PAX5: variants seen among roughly 807,000 people sequenced by gnomAD.
PAX5 encodes the protein paired box 5.
A neutral mutation model predicts 43.7 loss-of-function variants in PAX5; 9 were observed. The observed-to-expected ratio is 0.21, with a 90% CI of 0.12 to 0.36. The LOEUF is 0.36. Ranked by LOEUF, PAX5 falls within the 10% of genes least tolerant of loss-of-function variation. The probability of loss-of-function intolerance (pLI) is 1.00; values close to 1 mark genes in which losing one functional copy is unlikely to be tolerated. For missense variants in PAX5, 383 were observed against 532.7 expected (o/e 0.72, Z 2.77); for synonymous variants, 228 against 214.3 (o/e 1.06, Z -0.56).
intron 7 of PAX5, among the ~76,000 whole-genome samples, chr9:36,902,387 A>T (rs572607527): frequency 7.2e-5 from 11 of 152,368 alleles, no homozygotes; most frequent in Non-Finnish European, 1.3e-4. Context: ...CACTGGAGAG[A>T]GTGCAGGAGT....
intron 6 of PAX5, among the ~76,000 whole-genome samples, chr9:36,956,357 C>T (rs1056217454): frequency 6.6e-6 from 1 of 152,150 alleles, no homozygotes; most frequent in Non-Finnish European, 1.5e-5. Context: ...AAGAGTGGAA[C>T]AGACAGGAGG....
At chr9:36,878,472 AG>A (rs1461668495) in intron 8 of PAX5, among the ~76,000 whole-genome samples, 1 of 152,142 alleles carries the variant, frequency 6.6e-6, no homozygotes, top group African/African-American at 2.4e-5. Context: ...TGAGCAGGTG[AG>A]GTTTGCATTC....
chr9:36,907,366 C>T (rs1828911226), intron 7 of PAX5, among the ~76,000 whole-genome samples: 1 of 152,302 alleles, frequency 6.6e-6, no homozygotes, highest in Middle Eastern at 3.4e-3. Flanking sequence ...CCCGTGGCTT[C>T]CCCTTGTCCT....
At chr9:36,857,067 G>A (rs1823752822) in intron 8 of PAX5, among the ~76,000 whole-genome samples, 1 of 152,192 alleles carries the variant, frequency 6.6e-6, no homozygotes, top group Non-Finnish European at 1.5e-5. Context: ...TTCATGATAA[G>A]TGTCAAATAA....
chr9:36,984,332 T>C (rs1836193505), intron 5 of PAX5, among the ~76,000 whole-genome samples: 1 of 151,864 alleles, frequency 6.6e-6, no homozygotes, highest in South Asian at 2.1e-4. Flanking sequence ...TGCCAACTAG[T>C]AGAGCAGTTA....
At chr9:36,993,244 G>A (rs1564053292) in intron 5 of PAX5, among the ~76,000 whole-genome samples, 5 of 152,058 alleles carry the variant, frequency 3.3e-5, no homozygotes. Flanking sequence ...TGGAAGATTC[G>A]GTTCTTTCTT....
At chr9:36,993,721 G>A (rs1357484801) in intron 5 of PAX5, among the ~76,000 whole-genome samples, 1 of 152,038 alleles carries the variant, frequency 6.6e-6, no homozygotes, top group Non-Finnish European at 1.5e-5. Flanking sequence ...AGAAAGCCAA[G>A]GCCATTTCAC....
chr9:36,998,082 C>A (rs1027787025), intron 5 of PAX5, among the ~76,000 whole-genome samples: 10 of 152,366 alleles, frequency 6.6e-5, no homozygotes, highest in Admixed American at 4.6e-4. Context: ...AGCTTCCATT[C>A]TTGGCCCAGC....
intron 8 of PAX5, among the ~76,000 whole-genome samples, chr9:36,853,013 T>C (rs1457540147): frequency 6.6e-6 from 1 of 152,210 alleles, no homozygotes; most frequent in Non-Finnish European, 1.5e-5. Context: ...TACAGCAAAG[T>C]TGAAAGAATG....
chr9:37,015,206 A>C lies in PAX5; in HGVS notation c.213-12T>G. 5 of 1,611,664 alleles carry C rather than the reference A, an allele frequency of 3.1e-6. No homozygotes were observed. Among genetic ancestry groups the C allele is most frequent in the African/African-American group, 1.3e-5 (1 of 74,950 alleles). On this transcript the variant is annotated splice_polypyrimidine_tract_variant and intron_variant, in intron 2 of 9. Transcript: ENST00000358127. This position sits in a 1 kb window ranked among gnomAD's most constrained non-coding sequence, Gnocchi z 4.4. ...CTGTCTCATAATACCTAGGACCCAA[A>C]GAGAAAGAAGCTTAGCCATGAGGAA...
At chr9:37,000,228 C>G (rs758534320) in intron 5 of PAX5, among the ~76,000 whole-genome samples, 2 of 152,158 alleles carry the variant, frequency 1.3e-5, no homozygotes, top group Non-Finnish European at 2.9e-5. Flanking sequence ...GGTGTGAGCC[C>G]GGCCATTGCT....
chr9:36,864,595 C>G (rs996410362), intron 8 of PAX5, among the ~76,000 whole-genome samples: 1 of 152,228 alleles, frequency 6.6e-6, no homozygotes, highest in Non-Finnish European at 1.5e-5. Flanking sequence ...TCACCTGCCC[C>G]CATCGGCCCA....
chr9:36,892,893 A>T (rs771573284), intron 7 of PAX5, among the ~76,000 whole-genome samples: 1 of 152,262 alleles, frequency 6.6e-6, no homozygotes, highest in Non-Finnish European at 1.5e-5. Context: ...GTATAATTCC[A>T]TCTGTGCTAG....
chr9:36,957,396 G>T (rs1833582774), intron 6 of PAX5, among the ~76,000 whole-genome samples: 1 of 152,192 alleles, frequency 6.6e-6, no homozygotes, highest in Non-Finnish European at 1.5e-5. Flanking sequence ...CCTAGAAACG[G>T]TTGGGAAGGT....
chr9:37,027,201 C>T (rs947815007), intron 1 of PAX5, among the ~76,000 whole-genome samples: 1 of 152,256 alleles, frequency 6.6e-6, no homozygotes, highest in African/African-American at 2.4e-5. Context: ...TCCTCTCCGG[C>T]AGCGCGGGGT....
chr9:37,019,513 C>T (rs1468218894), intron 2 of PAX5, among the ~76,000 whole-genome samples: 1 of 152,166 alleles, frequency 6.6e-6, no homozygotes, highest in Non-Finnish European at 1.5e-5. Flanking sequence ...GCAGCCTCCC[C>T]AAGGTTATTA....
chr9:36,998,113 T>G (rs1837545338), intron 5 of PAX5, among the ~76,000 whole-genome samples: 1 of 152,190 alleles, frequency 6.6e-6, no homozygotes, highest in Non-Finnish European at 1.5e-5. Context: ...CTGAAAGCCA[T>G]ATGTTGCATT....
intron 7 of PAX5, among the ~76,000 whole-genome samples, chr9:36,913,904 T>TCTGCACTATGTCAGCACATCCG: frequency 6.6e-6 from 1 of 152,214 alleles, no homozygotes; most frequent in South Asian, 2.1e-4. Flanking sequence ...CTTGAAGAGC[T>TCTGCACTATGTCAGCACATCCG]CTGCACTATG....
intron 7 of PAX5, among the ~76,000 whole-genome samples, chr9:36,914,974 A>G (rs568694569): frequency 6.6e-6 from 1 of 152,234 alleles, no homozygotes; most frequent in East Asian, 1.9e-4. Context: ...TTACATCGGT[A>G]CAGATAGTTC....
Sources: gnomAD v4.1 joint callset for allele counts (sites outside exome capture counted in the v4.1 genomes callset) on GRCh38, gnomAD v4.1.1 for gene constraint, Gnocchi (gnomAD v3.1) non-coding constraint, MANE v1.5 for transcripts, NCBI Gene and HGNC (gene_info 2026-07-23, HGNC 2026-07-21) for gene names.